Variants in NR3C2 observed in about 807,000 individuals in gnomAD.
The protein encoded by NR3C2 is mineralocorticoid receptor.
In NR3C2, 15 loss-of-function variants were observed where a neutral mutation model predicts 86.4. The ratio of observed to expected loss-of-function variants is 0.17; its 90% CI spans 0.12 to 0.27. The LOEUF (loss-of-function observed/expected upper bound fraction) is 0.27. NR3C2 is among the 10% of genes least tolerant of loss of function. The pLI is 1.00. For missense variants in NR3C2, 960 were observed against 1,195.6 expected (o/e 0.80, Z 2.91); for synonymous variants, 458 against 450.5 (o/e 1.02, Z -0.21).
chr4:148,173,878 T>C (rs1442990646), intron 4 of NR3C2, among the ~76,000 whole-genome samples: 1 of 152,016 alleles, frequency 6.6e-6, no homozygotes, highest in East Asian at 1.9e-4. Flanking sequence ...CCCCCGACTG[T>C]GTGGAGAGGG....
upstream of NR3C2, chr4:148,442,968 G>A (rs1256627397): frequency 1.0e-6 from 1 of 985,308 alleles, no homozygotes; most frequent in East Asian, 1.1e-4. Flanking sequence ...CAGGTGAGCT[G>A]CAGCCCAGAC....
chr4:148,101,744 A>G (rs1731546134), intron 8 of NR3C2, among the ~76,000 whole-genome samples: 2 of 152,244 alleles, frequency 1.3e-5, no homozygotes, highest in African/African-American at 4.8e-5. Context: ...ATATAAACAC[A>G]AAGACATTGT....
chr4:148,333,196 G>A (rs1039840096), intron 2 of NR3C2, among the ~76,000 whole-genome samples: 6 of 152,078 alleles, frequency 3.9e-5, no homozygotes, highest in Admixed American at 2.0e-4. Context: ...GCTTGAACCC[G>A]GGAGATGGAA....
intron 6 of NR3C2, among the ~76,000 whole-genome samples, chr4:148,146,092 T>A (rs188327774): frequency 6.6e-6 from 1 of 151,526 alleles, no homozygotes; most frequent in African/African-American, 2.4e-5. Context: ...GAAGGGGAAG[T>A]GGGCTGGGGA....
intron 2 of NR3C2, among the ~76,000 whole-genome samples, chr4:148,289,171 G>GT (rs1741678369): frequency 6.6e-6 from 1 of 150,726 alleles, no homozygotes; most frequent in Non-Finnish European, 1.5e-5. Flanking sequence ...CACTAGGATA[G>GT]TAAGTTATGT....
At chr4:148,287,545 C>A (rs1416248942) in intron 2 of NR3C2, among the ~76,000 whole-genome samples, 1 of 152,124 alleles carries the variant, frequency 6.6e-6, no homozygotes, top group African/African-American at 2.4e-5. Context: ...TTGGAATTGC[C>A]AACTTAAACT....
At chr4:148,417,796 G>T (rs72658646) in intron 2 of NR3C2, among the ~76,000 whole-genome samples, 43 of 152,238 alleles carry the variant, frequency 2.8e-4, no homozygotes, top group African/African-American at 1.0e-3. Context: ...CCCTAACAGG[G>T]TTTCTTTTGT....
Position 148,435,089 on chromosome 4 carries a change from A to G in NR3C2, c.1757+15T>C, listed in dbSNP as rs756365078. The stretch of plus-strand genomic sequence containing the variant: ...AAAGCCATGACTTCCAAAAAAATGG[A>G]GAAAACCAACTTACCTTGATACATT... On this transcript the variant is annotated intron_variant, in intron 2 of 8. Transcript: ENST00000358102. 8 of 1,613,790 alleles carry G rather than the reference A, an allele frequency of 5.0e-6. No individual in the cohort carries two copies. The highest frequency in any genetic ancestry group is 6.8e-6 in the Non-Finnish European group (8 of 1,179,780).
chr4:148,213,911 C>G (rs1328706044), intron 3 of NR3C2, among the ~76,000 whole-genome samples: 1 of 152,152 alleles, frequency 6.6e-6, no homozygotes, highest in African/African-American at 2.4e-5. Flanking sequence ...GCAAATGGTT[C>G]TCCTTGAAGC....
At chr4:148,373,577 C>A (rs574100718) in intron 2 of NR3C2, among the ~76,000 whole-genome samples, 1 of 150,098 alleles carries the variant, frequency 6.7e-6, no homozygotes. Flanking sequence ...CAGGTTCAAG[C>A]GATTATCCAG....
chr4:148,319,577 T>C (rs956125762), intron 2 of NR3C2, among the ~76,000 whole-genome samples: 24 of 149,392 alleles, frequency 1.6e-4, no homozygotes, highest in Middle Eastern at 3.4e-3. Flanking sequence ...TAGTTCTCCT[T>C]GAAGAGGTCC....
chr4:148,166,296 T>C (rs747239796), intron 4 of NR3C2, among the ~76,000 whole-genome samples: 15 of 152,180 alleles, frequency 9.9e-5, no homozygotes, highest in Non-Finnish European at 2.1e-4. Flanking sequence ...TTGCAGCATC[T>C]TGAGGCACTT....
At chr4:148,111,590 G>T (rs914147523) in intron 8 of NR3C2, among the ~76,000 whole-genome samples, 4 of 152,122 alleles carry the variant, frequency 2.6e-5, no homozygotes, top group African/African-American at 9.7e-5. Context: ...ACCATCAATA[G>T]GTGACTGCAC....
intron 2 of NR3C2, among the ~76,000 whole-genome samples, chr4:148,312,683 C>G (rs555543444): frequency 2.0e-5 from 3 of 152,206 alleles, no homozygotes; most frequent in African/African-American, 7.2e-5. Flanking sequence ...ATGATACTCT[C>G]CCTGTTAAAT....
intron 2 of NR3C2, among the ~76,000 whole-genome samples, chr4:148,402,193 A>G (rs1451825459): frequency 2.0e-5 from 3 of 152,206 alleles, no homozygotes; most frequent in African/African-American, 7.2e-5. Context: ...GTAGACAGAC[A>G]TAACAATTAC....
At chr4:148,425,868 C>T (rs765188040) in intron 2 of NR3C2, among the ~76,000 whole-genome samples, 8 of 152,234 alleles carry the variant, frequency 5.3e-5, no homozygotes, top group East Asian at 1.9e-4. Context: ...ATACTGTCTC[C>T]GTCTCAGTTT....
chr4:148,305,261 T>G (rs1262263145), intron 2 of NR3C2, among the ~76,000 whole-genome samples: 1 of 152,152 alleles, frequency 6.6e-6, no homozygotes, highest in Non-Finnish European at 1.5e-5. Context: ...CAAGTATCTT[T>G]TGGGTCCAGG....
At chr4:148,194,966 C>A (rs1377245565) in intron 3 of NR3C2, 104 bp from the exon 4 acceptor site, 13 of 881,316 alleles carry the variant, frequency 1.5e-5, no homozygotes, top group Non-Finnish European at 2.2e-5. Context: ...GCCTTGAAAT[C>A]TCTTTCTCAA....
chr4:148,213,023 G>A (rs1277587171), intron 3 of NR3C2, among the ~76,000 whole-genome samples: 1 of 152,140 alleles, frequency 6.6e-6, no homozygotes, highest in Non-Finnish European at 1.5e-5. Flanking sequence ...GGAAGGAGAG[G>A]AGGACAGAAG....
Sources: gnomAD v4.1 joint callset for allele counts (sites outside exome capture counted in the v4.1 genomes callset) on GRCh38, gnomAD v4.1.1 for gene constraint, MANE v1.5 for transcripts, NCBI Gene and HGNC (gene_info 2026-07-23, HGNC 2026-07-21) for gene names.